AEBP2: variants seen among roughly 807,000 people sequenced by gnomAD.
AEBP2 encodes zinc finger protein AEBP2.
AEBP2 carries 10 observed loss-of-function variants against 50.8 expected under a neutral mutation model. That is an observed-to-expected ratio of 0.20 (90% CI 0.12 to 0.33). The LOEUF (loss-of-function observed/expected upper bound fraction) is 0.33, where lower values mean the gene tolerates loss of function less well. Among genes scored for constraint, AEBP2 ranks in the 10% least tolerant of loss-of-function variants. The probability of loss-of-function intolerance (pLI) is 1.00; values close to 1 mark genes in which losing one functional copy is unlikely to be tolerated. For synonymous variants in AEBP2, 296 were observed against 261.3 expected (o/e 1.13, Z -1.28); for missense variants, 570 against 688.0 (o/e 0.83, Z 1.92).
upstream of AEBP2, among the ~76,000 whole-genome samples, chr12:19,438,852 T>C (rs933985730): frequency 3.3e-5 from 5 of 152,220 alleles, no homozygotes; most frequent in East Asian, 9.6e-4. Context: ...ATCCCTATGG[T>C]ATTTAGAATC....
intron 2 of AEBP2, among the ~76,000 whole-genome samples, chr12:19,467,138 G>A (rs191205250): frequency 1.4e-4 from 21 of 152,116 alleles, no homozygotes; most frequent in African/African-American, 5.1e-4. Flanking sequence ...TCACTGTGTT[G>A]CCCATGCTGG....
intron 3 of AEBP2, among the ~76,000 whole-genome samples, chr12:19,478,628 AGCACC>A (rs1948685301): frequency 6.6e-6 from 1 of 152,108 alleles, no homozygotes; most frequent in South Asian, 2.1e-4. Flanking sequence ...TTTTCCTCTT[AGCACC>A]GCTTTTGCTG....
In AEBP2 at chr12:19,440,313, G is replaced by T. The variant is rs768795871; in HGVS notation, c.614G>T (p.Gly205Val). 6.8e-7 allele frequency: 1 copy of T among 1,466,974 alleles called. No homozygotes were observed. The highest frequency in any genetic ancestry group is 2.6e-5 in the Admixed American group (1 of 39,094). The allele number at this position is 1,466,974 out of a possible 1,614,324, so 90.9% of individuals were successfully genotyped here. Reference sequence around the variant, plus strand: ...AGCGCGACCTCCGGGGGCCGGCGGGGCAGCTTGGAGATGTCGTCGGATGGG... The same window carrying T: ...AGCGCGACCTCCGGGGGCCGGCGGGTCAGCTTGGAGATGTCGTCGGATGGG... ...GSSATSGGRR[G>V]SLEMSSDGEP... is the part of the protein sequence containing the mutation. Residue 205 changes from glycine (G) to valine (V), a missense_variant, in exon 1 of 8, where the codon GGC (glycine) becomes GTC (valine). Around this residue, in one of 2 missense-constraint regions of AEBP2, gnomAD observed 386 missense variants for 336.8 expected, o/e 1.15. Transcript: ENST00000266508.
At chr12:19,502,284 C>T (rs1366237071) in intron 5 of AEBP2, among the ~76,000 whole-genome samples, 1 of 151,938 alleles carries the variant, frequency 6.6e-6, no homozygotes, top group Non-Finnish European at 1.5e-5. Context: ...CAGGTGCATG[C>T]CACCAAGCCC....
intron 3 of AEBP2, among the ~76,000 whole-genome samples, chr12:19,480,098 G>GA (rs1948705639): frequency 6.6e-6 from 1 of 151,820 alleles, no homozygotes; most frequent in African/African-American, 2.4e-5. Flanking sequence ...ATGCTTTAAG[G>GA]AGATTCTTTT....
intron 3 of AEBP2, among the ~76,000 whole-genome samples, chr12:19,491,890 C>T (rs1021634625): frequency 5.3e-5 from 8 of 152,112 alleles, no homozygotes; most frequent in African/African-American, 1.7e-4. Flanking sequence ...AGGACAGCCT[C>T]AAGGGAGAAT....
chr12:19,476,791 C>T (rs1306656766), intron 3 of AEBP2, among the ~76,000 whole-genome samples: 1 of 152,136 alleles, frequency 6.6e-6, no homozygotes, highest in South Asian at 2.1e-4. Flanking sequence ...CTTTGGCTAT[C>T]TGGGCTCTCT....
intron 4 of AEBP2, among the ~76,000 whole-genome samples, chr12:19,497,197 C>T (rs1406929271): frequency 2.6e-5 from 4 of 151,480 alleles, no homozygotes; most frequent in African/African-American, 7.3e-5. Flanking sequence ...TAAGATGCAT[C>T]TCCTAAGAAT....
chr12:19,514,594 C>A (rs1949291774), intron 6 of AEBP2, 77 bp from the exon 7 acceptor site: 2 of 1,143,960 alleles, frequency 1.7e-6, no homozygotes, highest in South Asian at 2.9e-5. Context: ...GCAGAAAATG[C>A]CAGAATGTGA....
At chr12:19,412,304 G>A (rs11044538) in intron 1 of AEBP2, among the ~76,000 whole-genome samples, 4,222 of 151,832 alleles carry the variant, frequency 0.028, 60 homozygotes, top group East Asian at 0.045. Flanking sequence ...TTTGAGACAG[G>A]GTCTTGTGCT....
At chr12:19,425,794 A>G (rs1311092000) in intron 1 of AEBP2, among the ~76,000 whole-genome samples, 3 of 151,006 alleles carry the variant, frequency 2.0e-5, no homozygotes, top group African/African-American at 7.3e-5. Context: ...AAAAAAAAAA[A>G]GTGGAATTAA....
At chr12:19,454,865 G>T (rs772058354) in intron 1 of AEBP2, among the ~76,000 whole-genome samples, 1 of 152,160 alleles carries the variant, frequency 6.6e-6, no homozygotes, top group African/African-American at 2.4e-5. Flanking sequence ...TGCCGATAAG[G>T]CTTGCCCCTA....
In AEBP2 at chr12:19,440,015, G is replaced by A; in HGVS notation, c.316G>A (p.Glu106Lys). Residue 106 changes from glutamate (E) to lysine (K), a missense_variant, in exon 1 of 8, where the codon GAG becomes AAG. Glu to Lys is a moderately conservative substitution (Grantham distance 56, BLOSUM62 1). Coordinates refer to ENST00000266508, the MANE Select transcript of AEBP2 (RefSeq NM_153207.5). The stretch of plus-strand genomic sequence containing the variant: ...AGACGAGGAGGAGGACGACGAGGAG[G>A]AGGAAGATGAGAGCAGCAGCAGCGG... ...DEDEEEDDEE[E>K]EDESSSSGGG... 1.3e-6 allele frequency: 2 copies of A among 1,525,848 alleles called. No homozygotes were observed. The highest frequency in any genetic ancestry group is 1.8e-6 in the Non-Finnish European group (2 of 1,142,562). The allele number at this position is 1,525,848 out of a possible 1,614,324, so 94.5% of individuals were successfully genotyped here.
chr12:19,490,322 G>C (rs1374393051), intron 3 of AEBP2, among the ~76,000 whole-genome samples: 1 of 152,044 alleles, frequency 6.6e-6, no homozygotes, highest in African/African-American at 2.4e-5. Context: ...GTATTGAATG[G>C]TACAAAACTA....
chr12:19,440,488 C>T (rs1478667921), intron 1 of AEBP2, 118 bp downstream of exon 1: 5 of 1,408,692 alleles, frequency 3.5e-6, no homozygotes, highest in East Asian at 2.5e-5. Context: ...CTCGGCCCCT[C>T]CCCCAGACTC....
chr12:19,440,586 T>C, intron 1 of AEBP2: 1 of 1,445,126 alleles, frequency 6.9e-7, no homozygotes, highest in Non-Finnish European at 9.1e-7. Flanking sequence ...CCCCCAACTC[T>C]CCTTTCCCCG....
intron 1 of AEBP2, among the ~76,000 whole-genome samples, chr12:19,404,851 G>T (rs866462945): frequency 6.6e-6 from 1 of 151,682 alleles, no homozygotes; most frequent in Non-Finnish European, 1.5e-5. Flanking sequence ...TTTATGAAAC[G>T]CAGGGCCATA....
rs751573497 is a variant in AEBP2 at position 19,518,075 on chromosome 12, C to T, written c.1482-12C>T. 3.1e-6 allele frequency: 5 copies of T among 1,592,186 alleles called. No homozygotes were observed. The highest frequency in any genetic ancestry group is 4.3e-6 in the Non-Finnish European group (5 of 1,169,356). Reference sequence around the variant, plus strand: ...CAGTTGAATAAAAGGATTTCTTTTTCTCTTTTTCTAGAACAATGCCGCAGA... The same window carrying T: ...CAGTTGAATAAAAGGATTTCTTTTTTTCTTTTTCTAGAACAATGCCGCAGA... On this transcript the variant is annotated splice_polypyrimidine_tract_variant and intron_variant, in intron 7 of 7. Coordinates refer to ENST00000266508, the MANE Select transcript of AEBP2 (RefSeq NM_153207.5).
chr12:19,414,673 A>T (rs1012274895), intron 1 of AEBP2, among the ~76,000 whole-genome samples: 1 of 152,118 alleles, frequency 6.6e-6, no homozygotes, highest in Non-Finnish European at 1.5e-5. Context: ...GGGGACCAGC[A>T]CAGATAATGT....
Sources: allele counts gnomAD v4.1 joint callset (sites outside exome capture counted in the v4.1 genomes callset), GRCh38; gene constraint gnomAD v4.1.1; regional missense constraint gnomAD v4.1.1; transcripts MANE v1.5; gene names NCBI Gene and HGNC (gene_info 2026-07-23, HGNC 2026-07-21).